Variants in SCPPPQ1 observed in about 807,000 individuals in gnomAD.
SCPPPQ1 encodes the protein secretory calcium-binding phosphoprotein proline-glutamine rich 1.
At chr4:87,466,785 C>A in the SCPPPQ1 span, among the ~76,000 whole-genome samples, 1 of 152,040 alleles carries the variant, frequency 6.6e-6, no homozygotes, top group South Asian at 2.1e-4. Context: ...TACTGGGGAG[C>A]CTGTGGGAGG....
the SCPPPQ1 span, among the ~76,000 whole-genome samples, chr4:87,468,788 T>C: frequency 2.0e-5 from 3 of 152,244 alleles, no homozygotes; most frequent in Non-Finnish European, 2.9e-5. Context: ...GAAATATGTA[T>C]ACTGCAGCAT....
chr4:87,466,483 A>G, the SCPPPQ1 span, among the ~76,000 whole-genome samples: 1 of 152,232 alleles, frequency 6.6e-6, no homozygotes, highest in African/African-American at 2.4e-5. Flanking sequence ...TGCAAGAATA[A>G]TATTTAGAAT....
chr4:87,465,539 G>A, the SCPPPQ1 span, among the ~76,000 whole-genome samples: 2 of 87,732 alleles, frequency 2.3e-5, no homozygotes, highest in South Asian at 6.7e-4. Flanking sequence ...GTAAGGAAAA[G>A]GAAAAGGAAT....
the SCPPPQ1 span, among the ~76,000 whole-genome samples, chr4:87,467,328 T>C: frequency 2.0e-5 from 3 of 152,196 alleles, no homozygotes; most frequent in East Asian, 3.9e-4. Context: ...TTCCAAACTT[T>C]ATTGAAAAAA....
At chr4:87,467,867 G>C in the SCPPPQ1 span, among the ~76,000 whole-genome samples, 16,866 of 152,152 alleles carry the variant, frequency 0.11, 1,006 homozygotes, top group Non-Finnish European at 0.13. Context: ...TGGTACTTGT[G>C]GTGGGTAAAA....
the SCPPPQ1 span, among the ~76,000 whole-genome samples, chr4:87,469,639 G>A: frequency 5.9e-5 from 9 of 152,310 alleles, no homozygotes; most frequent in Admixed American, 4.6e-4. Flanking sequence ...GCCAAGATGA[G>A]AAATTTCATT....
chr4:87,462,288 A>G, the SCPPPQ1 span: 2 of 152,248 alleles, frequency 1.3e-5, no homozygotes, highest in Non-Finnish European at 2.9e-5. Context: ...CTTCAGGGCA[A>G]TGTAACTTGT....
the SCPPPQ1 span, among the ~76,000 whole-genome samples, chr4:87,467,441 G>GA: frequency 6.6e-6 from 1 of 151,646 alleles, no homozygotes; most frequent in Non-Finnish European, 1.5e-5. Context: ...GAAAGCTGGG[G>GA]AAAAAAAATC....
At chr4:87,462,473 T>TTTTCTTTCTTTC in the SCPPPQ1 span, among the ~76,000 whole-genome samples, 59 of 150,978 alleles carry the variant, frequency 3.9e-4, no homozygotes, top group African/African-American at 1.4e-3. Flanking sequence ...GTCTCCACGT[T>TTTTCTTTCTTTC]TTTCTTTCTT....
At chr4:87,465,653 C>T in the SCPPPQ1 span, among the ~76,000 whole-genome samples, 4 of 150,732 alleles carry the variant, frequency 2.7e-5, no homozygotes, top group African/African-American at 9.8e-5. Flanking sequence ...TACATTCACT[C>T]ATCCTTCCAC....
At chr4:87,470,038 C>T in the SCPPPQ1 span, among the ~76,000 whole-genome samples, 4 of 150,348 alleles carry the variant, frequency 2.7e-5, no homozygotes, top group Admixed American at 6.7e-5. Flanking sequence ...CCTGTACCCT[C>T]GAACTGCTGG....
At chr4:87,463,941 G>A in the SCPPPQ1 span, among the ~76,000 whole-genome samples, 29 of 152,274 alleles carry the variant, frequency 1.9e-4, no homozygotes, top group Non-Finnish European at 2.6e-4. Flanking sequence ...GACCAACTCC[G>A]TCTAAAAGGT....
the SCPPPQ1 span, chr4:87,460,989 A>G: frequency 2.0e-5 from 3 of 152,632 alleles, no homozygotes; most frequent in Non-Finnish European, 1.5e-5. Flanking sequence ...ACCATCTATA[A>G]TAGGGAAAAA....
chr4:87,462,630 A>G, the SCPPPQ1 span, among the ~76,000 whole-genome samples: 1 of 152,166 alleles, frequency 6.6e-6, no homozygotes, highest in Middle Eastern at 3.2e-3. Flanking sequence ...CCTTGAGATC[A>G]GTCCATTTCT....
chr4:87,464,222 T>C, the SCPPPQ1 span, among the ~76,000 whole-genome samples: 1 of 152,160 alleles, frequency 6.6e-6, no homozygotes, highest in Non-Finnish European at 1.5e-5. Flanking sequence ...AAGGAAACAG[T>C]CAAAGTAAGG....
the SCPPPQ1 span, among the ~76,000 whole-genome samples, chr4:87,466,468 A>G: frequency 1.3e-5 from 2 of 152,228 alleles, no homozygotes; most frequent in African/African-American, 2.4e-5. Context: ...GCAATTAATT[A>G]TAAGTGCAAG....
the SCPPPQ1 span, among the ~76,000 whole-genome samples, chr4:87,469,882 A>C: frequency 6.6e-6 from 1 of 151,606 alleles, no homozygotes; most frequent in African/African-American, 2.4e-5. Context: ...ATAAAGTTAC[A>C]GTTCGGCCTA....
chr4:87,465,716 G>A, the SCPPPQ1 span, among the ~76,000 whole-genome samples: 2 of 151,972 alleles, frequency 1.3e-5, no homozygotes, highest in Non-Finnish European at 2.9e-5. Context: ...TCTATATCTA[G>A]GGTTTAGGGA....
At chr4:87,467,355 A>G in the SCPPPQ1 span, among the ~76,000 whole-genome samples, 2 of 152,182 alleles carry the variant, frequency 1.3e-5, no homozygotes, top group African/African-American at 2.4e-5. Flanking sequence ...AAGAATCCAG[A>G]TATTAGGAGA....
Sources: allele counts gnomAD v4.1 joint callset (sites outside exome capture counted in the v4.1 genomes callset), GRCh38; gene constraint gnomAD v4.1.1; transcripts MANE v1.5; gene names NCBI Gene and HGNC (gene_info 2026-07-23, HGNC 2026-07-21).